The following REV1 variants were observed in gnomAD, a reference collection of about 807,000 sequenced individuals.
REV1 encodes the protein translesion synthesis protein REV1.
A neutral mutation model predicts 137.4 loss-of-function variants in REV1; 42 were observed. The observed-to-expected ratio is 0.31, with a 90% CI of 0.24 to 0.40. REV1 has a LOEUF of 0.40. Ranked by LOEUF, REV1 falls within the 10% of genes least tolerant of loss-of-function variation. REV1 has a pLI of 1.00. For synonymous variants in REV1, 524 were observed against 519.2 expected (o/e 1.01, Z -0.12); for missense variants, 1,282 against 1,490.1 (o/e 0.86, Z 2.30).
At chr2:99,477,085 C>CA (rs397985287) in intron 1 of REV1, among the ~76,000 whole-genome samples, 1 of 151,624 alleles carries the variant, frequency 6.6e-6, no homozygotes, top group South Asian at 2.1e-4. Flanking sequence ...CTTGGGACCC[C>CA]AACTCCACGA....
intron 1 of REV1, among the ~76,000 whole-genome samples, chr2:99,465,657 GC>G (rs777155046): frequency 1.6e-4 from 25 of 152,126 alleles, no homozygotes; most frequent in Non-Finnish European, 3.5e-4. Context: ...ATAAAAAGAG[GC>G]TAAATGAAAC....
At chr2:99,414,274 C>T (rs1677558205) in intron 12 of REV1, among the ~76,000 whole-genome samples, 1 of 152,138 alleles carries the variant, frequency 6.6e-6, no homozygotes, top group Non-Finnish European at 1.5e-5. Context: ...ACCTCTGGAA[C>T]CAGTATATAA....
At chr2:99,443,976 G>A (rs568978072) in intron 4 of REV1, among the ~76,000 whole-genome samples, 75 of 151,976 alleles carry the variant, frequency 4.9e-4, no homozygotes, top group African/African-American at 1.7e-3. Context: ...CTGCCACCAC[G>A]CCCGGCTAAT....
intron 9 of REV1, among the ~76,000 whole-genome samples, chr2:99,427,393 T>C (rs1318013105): frequency 6.6e-6 from 1 of 152,202 alleles, no homozygotes; most frequent in Non-Finnish European, 1.5e-5. Flanking sequence ...CATATAAAGT[T>C]TGCTCTCTAC....
At chr2:99,460,794 A>C (rs1684096673) in intron 3 of REV1, among the ~76,000 whole-genome samples, 1 of 152,134 alleles carries the variant, frequency 6.6e-6, no homozygotes, top group African/African-American at 2.4e-5. Context: ...TCTATCCTGC[A>C]GAAAAGGATA....
Position 99,443,544 on chromosome 2 carries a change from G to A in REV1, c.351-1075C>T, listed in dbSNP as rs74614774. Among the ~76,000 whole-genome samples, 196 of 152,104 alleles carry A rather than the reference G, an allele frequency of 1.3e-3. 2 individuals carry two copies. The highest frequency in any genetic ancestry group is 6.9e-3 in the Middle Eastern group (2 of 288). ...AAACATACTAACAGATTCTAAAAAC[G>A]GAACTATATATGATACAGAGTATGT... On this transcript the variant is annotated intron_variant, in intron 4 of 22. Transcript: ENST00000258428.
rs1676260825 is a variant in REV1, at chr2:99,406,121, T to A, written c.2615-15A>T. 6.3e-7 allele frequency: 1 copy of A among 1,596,324 alleles called. No homozygotes were observed. The highest frequency in any genetic ancestry group is 1.4e-5 in the African/African-American group (1 of 73,858). ...AGCCCGAAATACTACAAAAAGAAAA[T>A]ATATAAAATAGCCTCTTCAGATCAT... On this transcript the variant is annotated splice_polypyrimidine_tract_variant and intron_variant, in intron 16 of 22. Coordinates refer to ENST00000258428, the MANE Select transcript of REV1 (RefSeq NM_016316.4).
intron 1 of REV1, among the ~76,000 whole-genome samples, chr2:99,484,057 C>T (rs1395186870): frequency 2.0e-5 from 3 of 152,166 alleles, no homozygotes; most frequent in Admixed American, 2.0e-4. Flanking sequence ...TGTGTTCCTC[C>T]TTATTGAAGG....
rs1200941327 is a variant in REV1 at position 99,436,014 on chromosome 2, T to C, written c.1214-73A>G. On this transcript the variant is annotated intron_variant, in intron 6 of 22. Coordinates refer to ENST00000258428, the MANE Select transcript of REV1 (RefSeq NM_016316.4). ...TTAAAACATCAGGTCTAGTTAATTT[T>C]AGAAATTATATTTAAAACATGCTTA... is the stretch of plus-strand genomic sequence containing the variant. The C allele has an allele frequency of 2.8e-5, 24 of 856,126 alleles. No homozygotes were observed. The Admixed American group carries it at 5.3e-4, about 19-fold the overall frequency. The allele number at this position is 856,126 out of a possible 1,614,324, so 53.0% of individuals were successfully genotyped here.
At chr2:99,488,882 G>A (rs1687375630) in intron 1 of REV1, among the ~76,000 whole-genome samples, 2 of 152,196 alleles carry the variant, frequency 1.3e-5, no homozygotes, top group Non-Finnish European at 2.9e-5. Flanking sequence ...ATAGTTACAA[G>A]CCCTTGTTGT....
intron 3 of REV1, among the ~76,000 whole-genome samples, chr2:99,452,911 T>C (rs1683087653): frequency 6.6e-6 from 1 of 152,224 alleles, no homozygotes; most frequent in African/African-American, 2.4e-5. Flanking sequence ...GGCTCCATCA[T>C]TTGCTAGTTA....
chr2:99,468,797 T>TGA, intron 1 of REV1, among the ~76,000 whole-genome samples: 1 of 152,218 alleles, frequency 6.6e-6, no homozygotes, highest in Non-Finnish European at 1.5e-5. Context: ...CCTTAACATT[T>TGA]AGGGTACACC....
At chr2:99,482,968 GA>G (rs1283162224) in intron 1 of REV1, among the ~76,000 whole-genome samples, 1 of 145,554 alleles carries the variant, frequency 6.9e-6, no homozygotes, top group Non-Finnish European at 1.5e-5. Flanking sequence ...AGTGAACCAA[GA>G]TCATGCCATA....
intron 10 of REV1, among the ~76,000 whole-genome samples, chr2:99,423,694 A>C (rs1451539748): frequency 6.6e-6 from 1 of 152,238 alleles, no homozygotes; most frequent in East Asian, 1.9e-4. Context: ...CACTTTTATG[A>C]AAACTAACTT....
At chr2:99,404,150 C>T (rs577718772) in intron 18 of REV1, among the ~76,000 whole-genome samples, 8 of 152,258 alleles carry the variant, frequency 5.3e-5, no homozygotes, top group South Asian at 2.1e-4. Flanking sequence ...TATACATCTC[C>T]GCTCTGTTGT....
intron 9 of REV1, 158 bp from the exon 10 acceptor site, chr2:99,424,438 T>G: frequency 1.3e-6 from 1 of 777,778 alleles, no homozygotes; most frequent in East Asian, 2.9e-5. Context: ...TTTACAGCCT[T>G]GTTTTCCCCC....
chr2:99,468,606 C>T (rs566731903), intron 1 of REV1, among the ~76,000 whole-genome samples: 3 of 152,328 alleles, frequency 2.0e-5, no homozygotes, highest in East Asian at 1.9e-4. Flanking sequence ...TTTAATTCCA[C>T]ATAACTTGAT....
Position 99,410,718 on chromosome 2 carries a change from A to G in REV1, c.2322T>C (p.His774=), listed in dbSNP as rs763127237. Residue 774 remains histidine (H), a synonymous_variant, in exon 14 of 23, where the codon CAT becomes CAC. Transcript: ENST00000258428. ...ACCTGGCAATGTTATCACAAATTCC[A>G]TGGCCTCCAAATTTTGCAGTTTCTA... ...APVETAKFGG[H]GICDNIARTV... 2.5e-6 allele frequency: 4 copies of G among 1,593,424 alleles called. No individual in the cohort carries two copies. Among genetic ancestry groups the G allele is most frequent in the Middle Eastern group, 1.7e-4 (1 of 5,970 alleles).
intron 1 of REV1, among the ~76,000 whole-genome samples, chr2:99,486,990 T>C (rs1488854757): frequency 6.6e-6 from 1 of 151,936 alleles, no homozygotes; most frequent in Non-Finnish European, 1.5e-5. Context: ...TAAAAGATTA[T>C]AAAGGAAGGG....
Sources: gnomAD v4.1 joint callset for allele counts (sites outside exome capture counted in the v4.1 genomes callset) on GRCh38, gnomAD v4.1.1 for gene constraint, MANE v1.5 for transcripts, NCBI Gene and HGNC (gene_info 2026-07-23, HGNC 2026-07-21) for gene names.